SPOCK1: variants seen among roughly 807,000 people sequenced by gnomAD.
The protein encoded by SPOCK1 is testican-1.
In SPOCK1, 23 loss-of-function variants were observed where a neutral mutation model predicts 55.3. That is an observed-to-expected ratio of 0.42 (90% CI 0.30 to 0.59). SPOCK1 has a LOEUF of 0.59. Among genes scored for constraint, SPOCK1 ranks in the 20% least tolerant of loss-of-function variants. SPOCK1 has a pLI of 0.22. For synonymous variants in SPOCK1, 226 were observed against 221.0 expected (o/e 1.02, Z -0.20); for missense variants, 499 against 552.5 (o/e 0.90, Z 0.97).
chr5:137,317,752 A>G (rs753654324), intron 2 of SPOCK1, among the ~76,000 whole-genome samples: 1 of 152,210 alleles, frequency 6.6e-6, no homozygotes, highest in Non-Finnish European at 1.5e-5. Flanking sequence ...AATGTGAAGC[A>G]TTCATGACAA....
chr5:136,990,012 A>C (rs1750916498), intron 7 of SPOCK1, among the ~76,000 whole-genome samples: 2 of 151,922 alleles, frequency 1.3e-5, no homozygotes, highest in Admixed American at 1.3e-4. Context: ...CCGGGTTCGC[A>C]CCATTCTCCT....
intron 6 of SPOCK1, among the ~76,000 whole-genome samples, chr5:137,006,748 G>A (rs1751257330): frequency 6.6e-6 from 1 of 152,146 alleles, no homozygotes; most frequent in African/African-American, 2.4e-5. Flanking sequence ...AATAGTAGTG[G>A]TGAGATAGGG....
intron 2 of SPOCK1, among the ~76,000 whole-genome samples, chr5:137,334,474 G>A (rs1384921815): frequency 6.6e-6 from 1 of 152,186 alleles, no homozygotes; most frequent in Admixed American, 6.5e-5. Context: ...GAGCAAAAAT[G>A]TTTCAATTCC....
At chr5:137,349,628 G>C (rs1312693205) in intron 2 of SPOCK1, among the ~76,000 whole-genome samples, 1 of 152,204 alleles carries the variant, frequency 6.6e-6, no homozygotes, top group Non-Finnish European at 1.5e-5. Flanking sequence ...TCGTTCTGAG[G>C]CCAGGAGGGA....
intron 9 of SPOCK1, among the ~76,000 whole-genome samples, chr5:136,981,905 AATG>A (rs1750738979): frequency 6.6e-6 from 1 of 152,202 alleles, no homozygotes; most frequent in African/African-American, 2.4e-5. Flanking sequence ...TGTGCCACAT[AATG>A]ATGTTTTAGT....
chr5:137,317,813 C>T (rs542806374), intron 2 of SPOCK1, among the ~76,000 whole-genome samples: 6 of 152,148 alleles, frequency 3.9e-5, no homozygotes, highest in African/African-American at 1.4e-4. Context: ...TCACGATGGG[C>T]ATATTTTCTC....
At chr5:137,036,674 G>A (rs1355119580) in intron 6 of SPOCK1, among the ~76,000 whole-genome samples, 1 of 152,220 alleles carries the variant, frequency 6.6e-6, no homozygotes, top group Non-Finnish European at 1.5e-5. Flanking sequence ...CACTGAGGCA[G>A]TCATTTTACA....
chr5:137,118,617 T>A (rs1231743095), intron 4 of SPOCK1, among the ~76,000 whole-genome samples: 1 of 152,218 alleles, frequency 6.6e-6, no homozygotes, highest in African/African-American at 2.4e-5. Flanking sequence ...ACAGAGTAAT[T>A]TTATTTTAGC....
intron 2 of SPOCK1, among the ~76,000 whole-genome samples, chr5:137,477,009 T>A (rs369685396): frequency 1.3e-5 from 2 of 152,196 alleles, no homozygotes; most frequent in East Asian, 3.8e-4. Flanking sequence ...ATAATAAAGA[T>A]GAACAAAGAT....
At chr5:137,380,688 C>T (rs545865426) in intron 2 of SPOCK1, among the ~76,000 whole-genome samples, 3 of 152,254 alleles carry the variant, frequency 2.0e-5, no homozygotes, top group South Asian at 2.1e-4. Context: ...AATTTACTCA[C>T]TAATTCGAGA....
intron 5 of SPOCK1, among the ~76,000 whole-genome samples, chr5:137,080,640 C>T (rs1225769570): frequency 6.6e-6 from 1 of 152,118 alleles, no homozygotes; most frequent in Non-Finnish European, 1.5e-5. Flanking sequence ...GCACACAGAA[C>T]ACAGCCAGCA....
rs13360209 is a variant in SPOCK1, at chr5:137,060,384, T to C, written c.589+7331A>G. ...AACACTGCATCATCCTACTTATAAA[T>C]GGGAGCTAAACACTGAGTATACATG... On this transcript the variant is annotated intron_variant, in intron 6 of 10. Coordinates refer to ENST00000394945, the MANE Select transcript of SPOCK1 (RefSeq NM_004598.4). Among the ~76,000 whole-genome samples the C allele has an allele frequency of 4.6e-3, 705 of 152,142 alleles. 4 individuals carry two copies. Among genetic ancestry groups the C allele is most frequent in the African/African-American group, 0.016 (660 of 41,492 alleles).
chr5:137,476,402 C>T (rs4976356), intron 2 of SPOCK1, among the ~76,000 whole-genome samples: 151,891 of 152,342 alleles, frequency 1, 75,723 homozygotes, highest in Middle Eastern at 1. Flanking sequence ...TGCATAGGTA[C>T]TATGTACTAA....
intron 3 of SPOCK1, among the ~76,000 whole-genome samples, chr5:137,264,113 C>T (rs1347945744): frequency 6.6e-6 from 1 of 152,004 alleles, no homozygotes; most frequent in African/African-American, 2.4e-5. Flanking sequence ...AGCTGGAGAG[C>T]TGAATTGATA....
At chr5:137,355,822 C>T (rs1750779351) in intron 2 of SPOCK1, among the ~76,000 whole-genome samples, 1 of 152,168 alleles carries the variant, frequency 6.6e-6, no homozygotes, top group Non-Finnish European at 1.5e-5. Flanking sequence ...AGGTGGAGTC[C>T]TGCATGCCTC....
intron 2 of SPOCK1, 99 bp downstream of exon 2, chr5:137,498,266 CCACACACA>C (rs544933594): frequency 4.7e-4 from 378 of 795,858 alleles, no homozygotes; most frequent in Non-Finnish European, 5.1e-4. Context: ...CCCCTCCCAA[CCACACACA>C]CACACACACA....
At chr5:137,476,750 C>T (rs1194627852) in intron 2 of SPOCK1, among the ~76,000 whole-genome samples, 1 of 152,126 alleles carries the variant, frequency 6.6e-6, no homozygotes, top group African/African-American at 2.4e-5. Context: ...TATGGTGAAA[C>T]ACCATCTCTA....
intron 5 of SPOCK1, among the ~76,000 whole-genome samples, chr5:137,082,293 G>A (rs1027985317): frequency 2.0e-5 from 3 of 152,214 alleles, no homozygotes; most frequent in African/African-American, 7.2e-5. Context: ...TAACTTCTTG[G>A]TGTGCACAGA....
intron 3 of SPOCK1, among the ~76,000 whole-genome samples, chr5:137,141,300 C>A (rs1331659957): frequency 6.6e-6 from 1 of 152,186 alleles, no homozygotes; most frequent in Admixed American, 6.5e-5. Flanking sequence ...CTCACATGAT[C>A]CAAGAAACAA....
Sources: gnomAD v4.1 joint callset for allele counts (sites outside exome capture counted in the v4.1 genomes callset) on GRCh38, gnomAD v4.1.1 for gene constraint, MANE v1.5 for transcripts, NCBI Gene and HGNC (gene_info 2026-07-23, HGNC 2026-07-21) for gene names.